Variants in CNTNAP5 observed in about 807,000 individuals in gnomAD.
The protein encoded by CNTNAP5 is contactin-associated protein-like 5.
CNTNAP5 carries 72 observed loss-of-function variants against 150.2 expected under a neutral mutation model. That is an observed-to-expected ratio of 0.48 (90% confidence interval 0.40 to 0.58). CNTNAP5 has a LOEUF of 0.58. CNTNAP5 is among the 20% of genes least tolerant of loss of function. The pLI is 0.00. For missense variants in CNTNAP5, 1,636 were observed against 1,626.2 expected (o/e 1.01, Z -0.10); for synonymous variants, 672 against 619.8 (o/e 1.08, Z -1.25).
At chr2:124,405,384 G>A (rs75125539) in intron 3 of CNTNAP5, among the ~76,000 whole-genome samples, 2,801 of 152,236 alleles carry the variant, frequency 0.018, 38 homozygotes, top group Middle Eastern at 0.031. Context: ...CTGGCATGGA[G>A]GAGACCCTTG....
chr2:124,303,004 C>A (rs1264558460), intron 3 of CNTNAP5, among the ~76,000 whole-genome samples: 2 of 152,084 alleles, frequency 1.3e-5, no homozygotes, highest in Non-Finnish European at 2.9e-5. Flanking sequence ...TTGCTCTTTG[C>A]CTACATAAAG....
intron 19 of CNTNAP5, among the ~76,000 whole-genome samples, chr2:124,834,291 A>G (rs1682778558): frequency 6.6e-6 from 1 of 152,120 alleles, no homozygotes; most frequent in South Asian, 2.1e-4. Context: ...AATAATAAAA[A>G]ACCCTCTTTG....
intron 3 of CNTNAP5, among the ~76,000 whole-genome samples, chr2:124,379,036 T>C (rs1043669184): frequency 2.0e-5 from 3 of 152,070 alleles, no homozygotes; most frequent in Non-Finnish European, 4.4e-5. Context: ...CAGAGCAAAA[T>C]TGAGCAGAAA....
intron 6 of CNTNAP5, among the ~76,000 whole-genome samples, chr2:124,470,207 T>C (rs1301305395): frequency 1.3e-5 from 2 of 152,166 alleles, no homozygotes; most frequent in East Asian, 3.9e-4. Flanking sequence ...TAAAAGTGTT[T>C]CTTTTTGTCC....
At chr2:124,612,727 A>G (rs1677412617) in intron 12 of CNTNAP5, among the ~76,000 whole-genome samples, 1 of 152,092 alleles carries the variant, frequency 6.6e-6, no homozygotes, top group Non-Finnish European at 1.5e-5. Context: ...ACGATGTCTA[A>G]CTTTCTGTTT....
intron 1 of CNTNAP5, among the ~76,000 whole-genome samples, chr2:124,131,926 T>C (rs538840023): frequency 6.6e-6 from 1 of 152,262 alleles, no homozygotes; most frequent in African/African-American, 2.4e-5. Context: ...GAGCGTGCAA[T>C]GGGTGTGTGT....
At chr2:124,664,657 C>T (rs1473545796) in intron 13 of CNTNAP5, among the ~76,000 whole-genome samples, 1 of 152,162 alleles carries the variant, frequency 6.6e-6, no homozygotes, top group African/African-American at 2.4e-5. Flanking sequence ...GAATGAAATA[C>T]ATGCAATCCG....
At chr2:124,403,717 C>T (rs987463747) in intron 3 of CNTNAP5, among the ~76,000 whole-genome samples, 5 of 152,110 alleles carry the variant, frequency 3.3e-5, no homozygotes, top group South Asian at 2.1e-4. Context: ...CAGGGCAAAT[C>T]GTATTAGTCC....
chr2:124,075,583 T>C (rs1246475830), intron 1 of CNTNAP5, among the ~76,000 whole-genome samples: 1 of 152,180 alleles, frequency 6.6e-6, no homozygotes, highest in Admixed American at 6.5e-5. Flanking sequence ...CCCAGTGTTA[T>C]CATTTTTCAT....
chr2:124,831,419 C>T (rs1200500028), intron 19 of CNTNAP5, among the ~76,000 whole-genome samples: 35 of 151,774 alleles, frequency 2.3e-4, no homozygotes, highest in Admixed American at 2.3e-3. Context: ...TTACTGGTTC[C>T]TTTCTATCTT....
At chr2:124,476,678 G>T (rs2104835497) in intron 7 of CNTNAP5, among the ~76,000 whole-genome samples, 1 of 152,254 alleles carries the variant, frequency 6.6e-6, no homozygotes, top group East Asian at 1.9e-4. Context: ...GGCCTTGTAA[G>T]CCAGAGAGTC....
At chr2:124,873,657 T>C (rs1336896495) in intron 21 of CNTNAP5, among the ~76,000 whole-genome samples, 1 of 151,966 alleles carries the variant, frequency 6.6e-6, no homozygotes, top group African/African-American at 2.4e-5. Flanking sequence ...ACCCTATGTA[T>C]CAGAAATAGA....
intron 11 of CNTNAP5, among the ~76,000 whole-genome samples, chr2:124,588,210 TTC>T (rs1378483008): frequency 2.1e-4 from 31 of 148,752 alleles, no homozygotes; most frequent in African/African-American, 7.2e-4. Flanking sequence ...CTTTCTTTCT[TTC>T]TTTCTTTCTT....
At chr2:124,207,456 G>T (rs762339550) in intron 1 of CNTNAP5, among the ~76,000 whole-genome samples, 1 of 152,174 alleles carries the variant, frequency 6.6e-6, no homozygotes, top group Non-Finnish European at 1.5e-5. Context: ...ATGTTGGGGG[G>T]ATAGAAAAGG....
intron 3 of CNTNAP5, among the ~76,000 whole-genome samples, chr2:124,337,252 T>A (rs867254914): frequency 3.9e-5 from 6 of 152,148 alleles, no homozygotes; most frequent in Non-Finnish European, 7.4e-5. Flanking sequence ...GTTTGAGTTC[T>A]TTGTAGATTC....
intron 4 of CNTNAP5, among the ~76,000 whole-genome samples, chr2:124,431,112 A>G (rs1692368528): frequency 6.6e-6 from 1 of 152,024 alleles, no homozygotes; most frequent in Non-Finnish European, 1.5e-5. Context: ...GCTCTGTTAG[A>G]CTCGTTCTAC....
intron 7 of CNTNAP5, among the ~76,000 whole-genome samples, chr2:124,500,693 G>GA (rs1553473804): frequency 1.3e-5 from 2 of 152,204 alleles, no homozygotes; most frequent in East Asian, 3.9e-4. Context: ...TCTTTTGCCA[G>GA]AAAAAACAGA....
In CNTNAP5 at chr2:124,497,076, C is replaced by G. The variant is rs148122653; in HGVS notation, c.1063-7216C>G. Among the ~76,000 whole-genome samples the G allele has an allele frequency of 1.5e-4, 23 of 152,294 alleles. No individual in the cohort carries two copies. The East Asian group carries it at 4.4e-3, about 29-fold the overall frequency. ...TGGTGACAGCCTGGTTGAGAATCCG[C>G]TAGAGACCATGGATCTTGCATGGTC... On this transcript the variant is annotated intron_variant, in intron 7 of 23. Transcript: ENST00000682447.
chr2:124,270,223 C>A (rs925855360), intron 3 of CNTNAP5, among the ~76,000 whole-genome samples: 1 of 151,942 alleles, frequency 6.6e-6, no homozygotes, highest in African/African-American at 2.4e-5. Flanking sequence ...ATTGGAGAAT[C>A]GCTTGAACCT....
Sources: allele counts gnomAD v4.1 joint callset (sites outside exome capture counted in the v4.1 genomes callset), GRCh38; gene constraint gnomAD v4.1.1; transcripts MANE v1.5; gene names NCBI Gene and HGNC (gene_info 2026-07-23, HGNC 2026-07-21).